Variants in ZNF385D observed in about 807,000 individuals in gnomAD.
ZNF385D encodes the protein zinc finger protein 385D, also known as zinc finger protein 659.
A neutral mutation model predicts 35.8 loss-of-function variants in ZNF385D; 15 were observed. The ratio of observed to expected loss-of-function variants is 0.42; its 90% CI spans 0.28 to 0.64. ZNF385D has a LOEUF of 0.64. Ranked by LOEUF, ZNF385D falls within the 30% of genes least tolerant of loss-of-function variation. The probability of loss-of-function intolerance (pLI) is 0.23; values close to 1 mark genes in which losing one functional copy is unlikely to be tolerated. For synonymous variants in ZNF385D, 212 were observed against 186.8 expected (o/e 1.13, Z -1.10); for missense variants, 474 against 494.6 (o/e 0.96, Z 0.39).
chr3:21,773,650 G>A lies in ZNF385D; in HGVS notation c.326-108622C>T, dbSNP rs547302622. On this transcript the variant is annotated intron_variant, in intron 3 of 5. Coordinates refer to the ZNF385D transcript ENST00000494108. The stretch of plus-strand genomic sequence containing the variant: ...CTTCTCAAAAGACTACATACATGCA[G>A]CCCACAAACATATGTTAACAAGCCC... Among the ~76,000 whole-genome samples, 11 of 151,914 alleles carry A rather than the reference G, an allele frequency of 7.2e-5. No individual in the cohort carries two copies. In the South Asian group the frequency reaches 1.2e-3, roughly 17 times the overall value.
chr3:21,587,787 G>A (rs1207893066), intron 2 of ZNF385D, among the ~76,000 whole-genome samples: 1 of 152,122 alleles, frequency 6.6e-6, no homozygotes, highest in East Asian at 1.9e-4. Context: ...GATGTTTTCA[G>A]GGATGGCAGA....
intron 3 of ZNF385D, among the ~76,000 whole-genome samples, chr3:21,769,609 A>T (rs1241959652): frequency 2.8e-5 from 3 of 105,604 alleles, no homozygotes; most frequent in Non-Finnish European, 5.6e-5. Flanking sequence ...ATGGAAGAAC[A>T]TTCCATGCTC....
At chr3:22,139,671 C>T (rs1013837222) in intron 3 of ZNF385D, among the ~76,000 whole-genome samples, 8 of 152,002 alleles carry the variant, frequency 5.3e-5, no homozygotes, top group Non-Finnish European at 7.4e-5. Context: ...TGTTAAATGA[C>T]GAGTTACTTG....
intron 2 of ZNF385D, among the ~76,000 whole-genome samples, chr3:22,244,635 G>T (rs1026139204): frequency 2.0e-4 from 30 of 150,764 alleles, no homozygotes; most frequent in Non-Finnish European, 4.3e-4. Context: ...AATAGTATGG[G>T]TTTCAAAAGT....
chr3:21,948,499 G>A (rs1701903716), intron 3 of ZNF385D, among the ~76,000 whole-genome samples: 2 of 151,876 alleles, frequency 1.3e-5, no homozygotes, highest in Non-Finnish European at 2.9e-5. Context: ...TTGCTGGAGG[G>A]TTTTGGACAT....
At chr3:21,629,883 C>T (rs1370666050) in intron 2 of ZNF385D, among the ~76,000 whole-genome samples, 7 of 152,118 alleles carry the variant, frequency 4.6e-5, no homozygotes, top group African/African-American at 9.7e-5. Flanking sequence ...GACATCATTT[C>T]ATTAATCTCT....
rs146817750 is a variant in ZNF385D, at chr3:21,514,222, C to T, written c.277-3199G>A. Among the ~76,000 whole-genome samples, 45 of 152,216 alleles carry T rather than the reference C, an allele frequency of 3.0e-4. No homozygotes were observed. The East Asian group carries it at 7.2e-3, about 24-fold the overall frequency. ...TTTTCTGAGGGTCGTCATTGCCAGACACCTGGGAATTCTCAATACACATGC... is the reference window on the plus strand; with the variant it reads ...TTTTCTGAGGGTCGTCATTGCCAGATACCTGGGAATTCTCAATACACATGC... On this transcript the variant is annotated intron_variant, in intron 3 of 7. Transcript: ENST00000281523.
intron 3 of ZNF385D, among the ~76,000 whole-genome samples, chr3:21,876,105 G>A (rs753315376): frequency 3.9e-5 from 6 of 152,032 alleles, no homozygotes; most frequent in Non-Finnish European, 5.9e-5. Context: ...ATAATATTCA[G>A]TTTAAGCTGT....
chr3:21,790,822 A>G (rs1275787445), intron 3 of ZNF385D, among the ~76,000 whole-genome samples: 5 of 152,184 alleles, frequency 3.3e-5, no homozygotes, highest in African/African-American at 1.2e-4. Context: ...TATTGAAGTT[A>G]ATTTGTTTCT....
At chr3:21,829,434 T>G (rs970431303) in intron 3 of ZNF385D, among the ~76,000 whole-genome samples, 2 of 152,094 alleles carry the variant, frequency 1.3e-5, no homozygotes, top group Non-Finnish European at 2.9e-5. Context: ...GCCATTGTAG[T>G]AGTGGCTTAG....
At chr3:21,513,261 A>C (rs1337252358) in intron 3 of ZNF385D, among the ~76,000 whole-genome samples, 1 of 152,158 alleles carries the variant, frequency 6.6e-6, no homozygotes, top group Non-Finnish European at 1.5e-5. Context: ...CAAACAAACA[A>C]AAACCTCTCT....
intron 2 of ZNF385D, among the ~76,000 whole-genome samples, chr3:22,315,118 G>A (rs991712164): frequency 1.1e-4 from 17 of 152,094 alleles, no homozygotes; most frequent in African/African-American, 3.9e-4. Context: ...GTAAAATCAG[G>A]GGTACAGCCA....
intron 2 of ZNF385D, among the ~76,000 whole-genome samples, chr3:21,659,724 G>T (rs1364101862): frequency 6.6e-6 from 1 of 152,214 alleles, no homozygotes; most frequent in East Asian, 1.9e-4. Flanking sequence ...TTTCACTACT[G>T]AATCCTCAGG....
At chr3:21,930,147 T>G (rs1700928490) in intron 3 of ZNF385D, among the ~76,000 whole-genome samples, 1 of 152,152 alleles carries the variant, frequency 6.6e-6, no homozygotes, top group South Asian at 2.1e-4. Context: ...CCATACTTTA[T>G]GACAATTAGT....
At chr3:21,843,636 T>C (rs965114977) in intron 3 of ZNF385D, among the ~76,000 whole-genome samples, 1 of 151,760 alleles carries the variant, frequency 6.6e-6, no homozygotes, top group Non-Finnish European at 1.5e-5. Context: ...AATACAAAAA[T>C]GAATAGAACC....
At chr3:21,812,063 C>A (rs1380019952) in intron 3 of ZNF385D, among the ~76,000 whole-genome samples, 1 of 151,892 alleles carries the variant, frequency 6.6e-6, no homozygotes, top group Non-Finnish European at 1.5e-5. Flanking sequence ...TTATAGAAAA[C>A]ACAAGGAATT....
intron 3 of ZNF385D, among the ~76,000 whole-genome samples, chr3:21,865,408 G>A (rs1472776987): frequency 6.6e-6 from 1 of 152,008 alleles, no homozygotes; most frequent in Non-Finnish European, 1.5e-5. Context: ...ATTTAACAAA[G>A]TCACTTACCT....
At position 21,764,445 on chromosome 3, in the gene ZNF385D, G is replaced by A. The variant is rs867666296; in HGVS notation, c.326-99417C>T. Among the ~76,000 whole-genome samples the A allele has an allele frequency of 2.0e-5, 3 of 152,130 alleles. No homozygotes were observed. In the South Asian group the frequency reaches 6.2e-4, roughly 32 times the overall value. ...TGGAAATAAAGCTCTCGTATAACCA[G>A]GTGATTTTCAGATAAACATATGCAA... On this transcript the variant is annotated intron_variant, in intron 3 of 5. Coordinates refer to the ZNF385D transcript ENST00000494108.
intron 3 of ZNF385D, among the ~76,000 whole-genome samples, chr3:21,561,353 A>G (rs35104803): frequency 0.16 from 24,161 of 152,112 alleles, 1,928 homozygotes; most frequent in East Asian, 0.19. Context: ...TGGAGCGCAC[A>G]ATTCCTCATG....
Sources: gnomAD v4.1 joint callset for allele counts (sites outside exome capture counted in the v4.1 genomes callset) on GRCh38, gnomAD v4.1.1 for gene constraint, MANE v1.5 for transcripts, NCBI Gene and HGNC (gene_info 2026-07-23, HGNC 2026-07-21) for gene names.